NCK2: variants seen among roughly 807,000 people sequenced by gnomAD.
NCK2 encodes the protein NCK adaptor protein 2, also known as cytoplasmic protein NCK2.
Under a neutral mutation model 33.9 loss-of-function variants are expected in NCK2, and 16 were observed. The ratio of observed to expected loss-of-function variants is 0.47; its 90% CI spans 0.32 to 0.72. The LOEUF (loss-of-function observed/expected upper bound fraction) is 0.72, where lower values mean the gene tolerates loss of function less well. Ranked by LOEUF, NCK2 falls within the 30% of genes least tolerant of loss-of-function variation. The probability of loss-of-function intolerance (pLI) is 0.03; values close to 1 mark genes in which losing one functional copy is unlikely to be tolerated. For missense variants in NCK2, 418 were observed against 537.3 expected (o/e 0.78, Z 2.19); for synonymous variants, 273 against 239.9 (o/e 1.14, Z -1.27).
intron 1 of NCK2, among the ~76,000 whole-genome samples, chr2:105,748,226 C>T (rs766549348): frequency 2.2e-4 from 33 of 152,176 alleles, no homozygotes; most frequent in Non-Finnish European, 4.6e-4. Context: ...CAGTCTCCTC[C>T]GTGTCCTGAG....
rs74765169 is a variant in NCK2 at position 105,814,811 on chromosome 2, G to A, written c.-200-1619G>A. Among the ~76,000 whole-genome samples the A allele has an allele frequency of 5.4e-3, 829 of 152,276 alleles. 20 individuals are homozygous for A. Among genetic ancestry groups the A allele is most frequent in the East Asian group, 2.5e-3 (13 of 5,184 alleles). On this transcript the variant is annotated intron_variant, in intron 1 of 4. Coordinates refer to ENST00000233154, the MANE Select transcript of NCK2 (RefSeq NM_003581.5). Reference sequence around the variant, plus strand: ...TACTCATGAGACACAGGGCACACAGGGGGGAGGCCTGTATTTGGACAGCCC... The same window carrying A: ...TACTCATGAGACACAGGGCACACAGAGGGGAGGCCTGTATTTGGACAGCCC...
intron 2 of NCK2, among the ~76,000 whole-genome samples, chr2:105,836,624 GCCTT>G (rs367795598): frequency 7.9e-4 from 120 of 152,322 alleles, no homozygotes; most frequent in Non-Finnish European, 7.4e-4. Context: ...TCTAGGGGAA[GCCTT>G]CCTTCTGTGC....
intron 3 of NCK2, among the ~76,000 whole-genome samples, chr2:105,873,467 C>T (rs115564969): frequency 0.098 from 14,878 of 152,190 alleles, 753 homozygotes; most frequent in Non-Finnish European, 0.11. Flanking sequence ...GAAACATGCA[C>T]GCCACCCAGC....
intron 3 of NCK2, among the ~76,000 whole-genome samples, chr2:105,880,631 C>G (rs1331403249): frequency 2.0e-5 from 3 of 152,180 alleles, no homozygotes; most frequent in Non-Finnish European, 4.4e-5. Flanking sequence ...TTCATTTAGT[C>G]TGACTTCCCA....
intron 4 of NCK2, among the ~76,000 whole-genome samples, chr2:105,888,543 T>C (rs1377291446): frequency 6.6e-6 from 1 of 152,232 alleles, no homozygotes; most frequent in African/African-American, 2.4e-5. Flanking sequence ...AAAATTGTAA[T>C]GAGTGTCCTG....
intron 1 of NCK2, among the ~76,000 whole-genome samples, chr2:105,749,483 G>A (rs1223538581): frequency 6.6e-6 from 1 of 152,188 alleles, no homozygotes; most frequent in African/African-American, 2.4e-5. Context: ...ATAACATGGT[G>A]CACTTGGTTC....
At chr2:105,891,154 T>C (rs775322262) in intron 4 of NCK2, among the ~76,000 whole-genome samples, 1 of 152,222 alleles carries the variant, frequency 6.6e-6, no homozygotes, top group Non-Finnish European at 1.5e-5. Flanking sequence ...ACGCTACGCA[T>C]ACTCTCACAC....
At chr2:105,809,937 G>A (rs981016064) in intron 1 of NCK2, among the ~76,000 whole-genome samples, 3 of 152,186 alleles carry the variant, frequency 2.0e-5, no homozygotes, top group Non-Finnish European at 4.4e-5. Context: ...AGGGCAGGCA[G>A]GGAAGGGAGC....
At position 105,796,492 on chromosome 2, in the gene NCK2, A is replaced by T. The variant is rs370419530; in HGVS notation, c.-200-19938A>T. 3.9e-5 allele frequency among the ~76,000 whole-genome samples: 6 copies of T among 152,304 alleles called. No individual in the cohort carries two copies. The South Asian group carries it at 6.2e-4, about 16-fold the overall frequency. On this transcript the variant is annotated intron_variant, in intron 1 of 4. Coordinates refer to ENST00000233154, the MANE Select transcript of NCK2 (RefSeq NM_003581.5). The stretch of plus-strand genomic sequence containing the variant: ...ATGGGGGCATTGGAGCAGGGAGCAC[A>T]TGGGGTATTATTGGCACCGGTTGCA...
chr2:105,878,381 C>T (rs1304444981), intron 3 of NCK2, among the ~76,000 whole-genome samples: 1 of 152,202 alleles, frequency 6.6e-6, no homozygotes, highest in Non-Finnish European at 1.5e-5. Flanking sequence ...AATGAAGTCA[C>T]TGGGGTGGGC....
chr2:105,850,782 ACTTT>A (rs1283976490), intron 2 of NCK2, among the ~76,000 whole-genome samples: 1 of 152,052 alleles, frequency 6.6e-6, no homozygotes, highest in Non-Finnish European at 1.5e-5. Context: ...TTTTTTTCAG[ACTTT>A]CTTCTGTTGA....
intron 1 of NCK2, among the ~76,000 whole-genome samples, chr2:105,813,462 T>C (rs768521472): frequency 1.1e-4 from 17 of 152,240 alleles, no homozygotes; most frequent in Non-Finnish European, 2.2e-4. Flanking sequence ...TTCTTAACCC[T>C]GAACTGCTCC....
At chr2:105,839,050 G>C (rs1453126201) in intron 2 of NCK2, among the ~76,000 whole-genome samples, 1 of 152,160 alleles carries the variant, frequency 6.6e-6, no homozygotes, top group Non-Finnish European at 1.5e-5. Context: ...ATCAGAGAAG[G>C]AATATGAGAG....
chr2:105,808,616 G>T (rs1675174548), intron 1 of NCK2, among the ~76,000 whole-genome samples: 1 of 152,168 alleles, frequency 6.6e-6, no homozygotes, highest in African/African-American at 2.4e-5. Context: ...GAGGGATGGA[G>T]TGCCACGTGA....
intron 4 of NCK2, among the ~76,000 whole-genome samples, chr2:105,889,157 C>A (rs1455316234): frequency 6.6e-6 from 1 of 152,200 alleles, no homozygotes; most frequent in Non-Finnish European, 1.5e-5. Context: ...TCGGGAGTAA[C>A]TCCATCTCCA....
intron 1 of NCK2, among the ~76,000 whole-genome samples, chr2:105,795,180 A>G (rs541711841): frequency 6.6e-6 from 1 of 152,332 alleles, no homozygotes; most frequent in Admixed American, 6.5e-5. Context: ...CCCAAAGTCC[A>G]GGGTTTATAT....
chr2:105,766,388 A>G (rs2104367883), intron 1 of NCK2, among the ~76,000 whole-genome samples: 1 of 152,250 alleles, frequency 6.6e-6, no homozygotes, highest in Middle Eastern at 3.4e-3. Context: ...CAGTGCCGCC[A>G]TCATGGCTCA....
intron 2 of NCK2, among the ~76,000 whole-genome samples, chr2:105,820,306 A>G (rs576715106): frequency 9.2e-4 from 140 of 152,344 alleles, no homozygotes; most frequent in African/African-American, 3.3e-3. Flanking sequence ...TCGGTCAGCC[A>G]TACACTTCGG....
chr2:105,865,776 T>A (rs557824399), intron 3 of NCK2, among the ~76,000 whole-genome samples: 1 of 152,320 alleles, frequency 6.6e-6, no homozygotes, highest in Non-Finnish European at 1.5e-5. Context: ...ATCTTCAGCA[T>A]CTTTGTCATC....
Sources: gnomAD v4.1 joint callset for allele counts (sites outside exome capture counted in the v4.1 genomes callset) on GRCh38, gnomAD v4.1.1 for gene constraint, MANE v1.5 for transcripts, NCBI Gene and HGNC (gene_info 2026-07-23, HGNC 2026-07-21) for gene names.